IL1RAPL1: variants seen among roughly 807,000 people sequenced by gnomAD.
IL1RAPL1 encodes the protein interleukin 1 receptor accessory protein like 1.
Under a neutral mutation model 48.4 loss-of-function variants are expected in IL1RAPL1, and 3 were observed. The ratio of observed to expected loss-of-function variants is 0.06; its 90% CI spans 0.03 to 0.16. The LOEUF is 0.16. Among genes scored for constraint, IL1RAPL1 ranks in the 10% least tolerant of loss-of-function variants. The probability of loss-of-function intolerance (pLI) is 1.00; values close to 1 mark genes in which losing one functional copy is unlikely to be tolerated. For missense variants in IL1RAPL1, 349 were observed against 530.6 expected (o/e 0.66, Z 3.36); for synonymous variants, 185 against 187.7 (o/e 0.99, Z 0.12).
intron 5 of IL1RAPL1, among the ~76,000 whole-genome samples, chrX:29,665,224 G>A (rs1007869479): frequency 3.6e-5 from 4 of 112,378 alleles, no homozygotes; most frequent in African/African-American, 1.3e-4. Flanking sequence ...TTGTGAGTGA[G>A]TGTGCATATG....
intron 3 of IL1RAPL1, among the ~76,000 whole-genome samples, chrX:29,309,190 G>C (rs1354608415): frequency 5.4e-5 from 6 of 111,945 alleles, no homozygotes; most frequent in Non-Finnish European, 1.1e-4. Flanking sequence ...TGTAATATCA[G>C]TTAAGACTAT....
chrX:29,080,706 C>G (rs1160279307), intron 2 of IL1RAPL1, among the ~76,000 whole-genome samples: 1 of 109,355 alleles, frequency 9.1e-6, no homozygotes, highest in Non-Finnish European at 1.9e-5. Context: ...TGAAATGATA[C>G]TCTACTTTCC....
At chrX:29,036,514 T>C (rs980664648) in intron 2 of IL1RAPL1, among the ~76,000 whole-genome samples, 2 of 112,279 alleles carry the variant, frequency 1.8e-5, no homozygotes, top group African/African-American at 6.5e-5. Context: ...TTTAGTTTAT[T>C]TTCTTACATC....
At chrX:29,236,555 T>C (rs1217552781) in intron 2 of IL1RAPL1, among the ~76,000 whole-genome samples, 3 of 38,148 alleles carry the variant, frequency 7.9e-5, no homozygotes, top group Admixed American at 2.4e-4. Flanking sequence ...CTTTTTTTTT[T>C]TTTTTTTTTT....
intron 6 of IL1RAPL1, among the ~76,000 whole-genome samples, chrX:29,808,580 C>T (rs1361546310): frequency 9.0e-6 from 1 of 111,132 alleles, no homozygotes; most frequent in African/African-American, 3.3e-5. Context: ...ATGTATGGTA[C>T]TTATTAATTT....
chrX:29,545,630 G>A (rs764038068), intron 5 of IL1RAPL1, among the ~76,000 whole-genome samples: 1 of 112,122 alleles, frequency 8.9e-6, no homozygotes, highest in South Asian at 3.7e-4. Flanking sequence ...CGTCATGTAT[G>A]TGAAATCCAT....
chrX:29,179,017 A>G (rs950484426), intron 2 of IL1RAPL1, among the ~76,000 whole-genome samples: 35 of 111,839 alleles, frequency 3.1e-4, no homozygotes, highest in Non-Finnish European at 5.3e-4. Flanking sequence ...TATAGTTTGA[A>G]GTCAGGTAGT....
intron 2 of IL1RAPL1, among the ~76,000 whole-genome samples, chrX:29,080,290 G>T (rs1320659728): frequency 1.8e-5 from 2 of 109,617 alleles, no homozygotes; most frequent in Admixed American, 2.0e-4. Flanking sequence ...GAGGTGGGAG[G>T]ATCACTTGAG....
chrX:29,907,318 C>T, intron 6 of IL1RAPL1, among the ~76,000 whole-genome samples: 1 of 108,662 alleles, frequency 9.2e-6, no homozygotes, highest in Admixed American at 1.1e-4. Flanking sequence ...CTGAATTTTA[C>T]TAATTATAAA....
intron 6 of IL1RAPL1, among the ~76,000 whole-genome samples, chrX:29,852,083 T>C (rs979206334): frequency 8.9e-6 from 1 of 112,690 alleles, no homozygotes; most frequent in Admixed American, 9.4e-5. Flanking sequence ...TTTACAGCAA[T>C]GAAAACGTAA....
At chrX:28,667,813 C>T (rs1258906315) in intron 1 of IL1RAPL1, among the ~76,000 whole-genome samples, 1 of 111,863 alleles carries the variant, frequency 8.9e-6, no homozygotes, top group Non-Finnish European at 1.9e-5. Flanking sequence ...TATATCCTCA[C>T]ATGGTGGAGA....
chrX:29,334,035 A>C (rs1391654065), intron 3 of IL1RAPL1, among the ~76,000 whole-genome samples: 1 of 49,552 alleles, frequency 2.0e-5, no homozygotes. Flanking sequence ...TGATCCCCCC[A>C]CCTCCCTCCC....
intron 2 of IL1RAPL1, among the ~76,000 whole-genome samples, chrX:28,892,733 G>A (rs1287149798): frequency 9.0e-6 from 1 of 110,958 alleles, no homozygotes; most frequent in Non-Finnish European, 1.9e-5. Flanking sequence ...GAGTGGGAGG[G>A]ATTAAGCTGA....
intron 5 of IL1RAPL1, among the ~76,000 whole-genome samples, chrX:29,625,986 C>T (rs1349352274): frequency 1.8e-5 from 2 of 111,631 alleles, no homozygotes; most frequent in South Asian, 3.7e-4. Context: ...CAGCCCTGCT[C>T]CCGTCTTAAA....
intron 5 of IL1RAPL1, among the ~76,000 whole-genome samples, chrX:29,442,874 A>G (rs1375056731): frequency 9.0e-6 from 1 of 111,058 alleles, no homozygotes; most frequent in African/African-American, 3.3e-5. Flanking sequence ...AAAAAAAGAA[A>G]AAAGAAGGAA....
intron 2 of IL1RAPL1, among the ~76,000 whole-genome samples, chrX:28,832,498 T>G (rs66612338): frequency 0.11 from 12,454 of 110,703 alleles, 1,196 homozygotes; most frequent in East Asian, 0.31. Context: ...TTTCCAAAAT[T>G]AAACATTTGT....
chrX:29,789,783 T>TC (rs1929589839), intron 6 of IL1RAPL1, among the ~76,000 whole-genome samples: 2 of 95,921 alleles, frequency 2.1e-5, no homozygotes, highest in African/African-American at 9.4e-5. Context: ...TGAGTTTCTT[T>TC]TTTTTTTTTT....
intron 5 of IL1RAPL1, among the ~76,000 whole-genome samples, chrX:29,506,947 A>AT (rs1214095126): frequency 8.3e-4 from 90 of 108,513 alleles, no homozygotes; most frequent in African/African-American, 9.0e-4. Flanking sequence ...TTGTGGGGAC[A>AT]TTTTTTTTTG....
intron 6 of IL1RAPL1, among the ~76,000 whole-genome samples, chrX:29,771,612 T>C (rs5971751): frequency 0.35 from 38,692 of 110,973 alleles, 4,852 homozygotes; most frequent in South Asian, 0.45. Flanking sequence ...CTGTGCTATT[T>C]ATCTATTTTC....
Sources: allele counts gnomAD v4.1 joint callset (sites outside exome capture counted in the v4.1 genomes callset), GRCh38; gene constraint gnomAD v4.1.1; transcripts MANE v1.5; gene names NCBI Gene and HGNC (gene_info 2026-07-23, HGNC 2026-07-21).